The following MAP2K5 variants were observed in gnomAD, a reference collection of about 807,000 sequenced individuals.
MAP2K5 encodes dual specificity mitogen-activated protein kinase kinase 5.
In MAP2K5, 49 loss-of-function variants were observed where a neutral mutation model predicts 83.1. That is an observed-to-expected ratio of 0.59 (90% CI 0.47 to 0.75). MAP2K5 has a LOEUF of 0.75. Among genes scored for constraint, MAP2K5 ranks in the 30% least tolerant of loss-of-function variants. The pLI is 0.00. For synonymous variants in MAP2K5, 202 were observed against 191.8 expected, an observed-to-expected ratio of 1.05 and a Z score of -0.44; for missense variants, 457 against 557.5, an observed-to-expected ratio of 0.82 and a Z score of 1.82.
intron 21 of MAP2K5, among the ~76,000 whole-genome samples, chr15:67,799,728 C>A (rs558471231): frequency 2.6e-5 from 4 of 152,212 alleles, no homozygotes; most frequent in Non-Finnish European, 5.9e-5. Flanking sequence ...CCCAGTGGGC[C>A]CACCCACCCA....
intron 16 of MAP2K5, among the ~76,000 whole-genome samples, chr15:67,710,216 T>G (rs2088657916): frequency 1.3e-5 from 2 of 152,206 alleles, no homozygotes; most frequent in East Asian, 1.9e-4. Context: ...TTCACTTGGA[T>G]CTTCATTCTT....
intron 16 of MAP2K5, among the ~76,000 whole-genome samples, chr15:67,706,968 T>C (rs2088569562): frequency 6.6e-6 from 1 of 152,222 alleles, no homozygotes; most frequent in Non-Finnish European, 1.5e-5. Context: ...CAGGCTGCAG[T>C]GCAGTGGCAC....
intron 8 of MAP2K5, among the ~76,000 whole-genome samples, chr15:67,612,418 T>C (rs2085946688): frequency 6.6e-6 from 1 of 152,184 alleles, no homozygotes; most frequent in African/African-American, 2.4e-5. Context: ...TAAAGAACAT[T>C]GGTGGAATTG....
intron 8 of MAP2K5, chr15:67,628,275 T>C: frequency 1.8e-6 from 1 of 545,402 alleles, no homozygotes; most frequent in Non-Finnish European, 3.3e-6. Flanking sequence ...AGGTCAGGGA[T>C]TTGAGACCAG....
chr15:67,683,354 C>T (rs1439386935), intron 13 of MAP2K5, among the ~76,000 whole-genome samples: 1 of 152,088 alleles, frequency 6.6e-6, no homozygotes, highest in African/African-American at 2.4e-5. Context: ...TCAGATTTAA[C>T]CTAGTTTAAT....
chr15:67,576,170 G>A (rs1156731887), intron 3 of MAP2K5, among the ~76,000 whole-genome samples: 2 of 146,306 alleles, frequency 1.4e-5, no homozygotes, highest in Non-Finnish European at 3.0e-5. Context: ...GCCTGCCTTG[G>A]CCTTCCAAAG....
At chr15:67,731,686 A>G (rs918174912) in intron 17 of MAP2K5, among the ~76,000 whole-genome samples, 1 of 152,094 alleles carries the variant, frequency 6.6e-6, no homozygotes, top group African/African-American at 2.4e-5. Flanking sequence ...AGGTGAGCCA[A>G]CTCAGGCTCA....
rs1395969326 is a variant in MAP2K5 at position 67,676,778 on chromosome 15, A to G, written c.847+12133A>G. Reference sequence around the variant, plus strand: ...CAATCAAGGCTCAAGCAGCCTAAAAAACTTGCTTAGTTATAGGAAAAGTCA... The same window carrying G: ...CAATCAAGGCTCAAGCAGCCTAAAAGACTTGCTTAGTTATAGGAAAAGTCA... On this transcript the variant is annotated intron_variant, in intron 13 of 21. Coordinates refer to ENST00000178640, the MANE Select transcript of MAP2K5 (RefSeq NM_145160.3). This position sits in a 1 kb window ranked among gnomAD's most constrained non-coding sequence, Gnocchi z 4.8. Among the ~76,000 whole-genome samples, 1 of 152,138 alleles carries G rather than the reference A, an allele frequency of 6.6e-6. No individual in the cohort carries two copies. The highest frequency in any genetic ancestry group is 1.5e-5 in the Non-Finnish European group (1 of 68,020).
chr15:67,629,799 A>G (rs2086423350), intron 8 of MAP2K5, among the ~76,000 whole-genome samples: 1 of 152,164 alleles, frequency 6.6e-6, no homozygotes, highest in Admixed American at 6.5e-5. Flanking sequence ...CCTTATATTA[A>G]TATTTTTATG....
intron 12 of MAP2K5, among the ~76,000 whole-genome samples, chr15:67,661,106 G>A (rs1208139172): frequency 1.3e-5 from 2 of 151,890 alleles, no homozygotes; most frequent in Non-Finnish European, 2.9e-5. Context: ...TGACCTCTGT[G>A]ATATGTTATT....
rs1161249064 is a variant in MAP2K5, at chr15:67,562,500, T to C, written c.185-783T>C. Among the ~76,000 whole-genome samples, 1 of 152,220 alleles carries C rather than the reference T, an allele frequency of 6.6e-6. No homozygotes were observed. The highest frequency in any genetic ancestry group is 1.5e-5 in the Non-Finnish European group (1 of 68,034). ...TCTAGATGTGGCCTCTGATGATACT[T>C]ACTCAAATTTACACATTCTGGTTAT... On this transcript the variant is annotated intron_variant, in intron 2 of 21. Coordinates refer to ENST00000178640, the MANE Select transcript of MAP2K5 (RefSeq NM_145160.3). This position sits in a 1 kb window ranked among gnomAD's most constrained non-coding sequence, Gnocchi z 4.1.
At chr15:67,806,082 C>G (rs1442883370) in intron 21 of MAP2K5, among the ~76,000 whole-genome samples, 1 of 152,236 alleles carries the variant, frequency 6.6e-6, no homozygotes, top group African/African-American at 2.4e-5. Context: ...ACCCAGAGAT[C>G]CTGTGCACAG....
In MAP2K5 at chr15:67,724,317, T is replaced by C; in HGVS notation, c.1045-3599T>C. Among the ~76,000 whole-genome samples, 1 of 152,226 alleles carries C rather than the reference T, an allele frequency of 6.6e-6. No individual in the cohort carries two copies. Among genetic ancestry groups the C allele is most frequent in the Non-Finnish European group, 1.5e-5 (1 of 68,042 alleles). On this transcript the variant is annotated intron_variant, in intron 16 of 21. Transcript: ENST00000178640. The surrounding 1 kb of genome is among the most constrained non-coding windows in gnomAD (Gnocchi z 4.4). ...GTGAAATATTCACTTGGAGCATATG[T>C]GCTCCTTCTTCCCCATAAGGGTCCC...
At chr15:67,574,894 A>G (rs999621312) in intron 3 of MAP2K5, among the ~76,000 whole-genome samples, 1 of 152,180 alleles carries the variant, frequency 6.6e-6, no homozygotes, top group Admixed American at 6.5e-5. Flanking sequence ...ATAAAACAAA[A>G]TAAAATAAAA....
rs938142384 is a variant in MAP2K5, at chr15:67,746,351, G to A, written c.1075-1880G>A. On this transcript the variant is annotated intron_variant, in intron 17 of 21. Transcript: ENST00000178640. This position sits in a 1 kb window ranked among gnomAD's most constrained non-coding sequence, Gnocchi z 4.1. ...ATTTGTGAAACACATTCTCTTTGAT[G>A]TCAGAAATGGATTTCTGATTCTTTA... Among the ~76,000 whole-genome samples, 3 of 151,944 alleles carry A rather than the reference G, an allele frequency of 2.0e-5. No homozygotes were observed. The highest frequency in any genetic ancestry group is 7.3e-5 in the African/African-American group (3 of 41,364).
At chr15:67,711,449 C>G (rs371322753) in intron 16 of MAP2K5, among the ~76,000 whole-genome samples, 21 of 152,298 alleles carry the variant, frequency 1.4e-4, no homozygotes, top group African/African-American at 5.1e-4. Context: ...CAGTTTCCTC[C>G]TCTTTAGATG....
rs2089992326 is a variant in MAP2K5 at position 67,763,647 on chromosome 15, G to T, written c.1135-5955G>T. 2.7e-5 allele frequency among the ~76,000 whole-genome samples: 4 copies of T among 148,648 alleles called. No individual in the cohort carries two copies. The South Asian group carries it at 8.8e-4, about 33-fold the overall frequency. On this transcript the variant is annotated intron_variant, in intron 19 of 21. Coordinates refer to ENST00000178640, the MANE Select transcript of MAP2K5 (RefSeq NM_145160.3). ...TTTTTTTTCATTTTTTTGTTTTTTA[G>T]ATTTTTTTTTTTAAACAAACTCGAT...
In MAP2K5 at chr15:67,748,139, CAG is replaced by C; in HGVS notation, c.1075-91_1075-90del. ...TTAACACATGCCCACAAATTGCCACCAGCAATGCAATAATTTTCTCTCAGTGA... is the reference window on the plus strand; with the variant it reads ...TTAACACATGCCCACAAATTGCCACCCAATGCAATAATTTTCTCTCAGTGA... On this transcript the variant is annotated intron_variant, in intron 17 of 21. Transcript: ENST00000178640. The surrounding 1 kb of genome is among the most constrained non-coding windows in gnomAD (Gnocchi z 4.0). 1.2e-6 allele frequency: 1 copy of C among 862,752 alleles called. No homozygotes were observed. Among genetic ancestry groups the C allele is most frequent in the Non-Finnish European group, 1.9e-6 (1 of 518,646 alleles). 53.4% of individuals were successfully genotyped at this position (862,752 alleles called of 1,614,324 possible).
At position 67,803,252 on chromosome 15, in the gene MAP2K5, C is replaced by G. The variant is rs539312346; in HGVS notation, c.1243-3394C>G. 4.4e-4 allele frequency among the ~76,000 whole-genome samples: 67 copies of G among 152,346 alleles called. 1 individual carries two copies. Among genetic ancestry groups the G allele is most frequent in the African/African-American group, 1.6e-3 (67 of 41,580 alleles). On this transcript the variant is annotated intron_variant, in intron 21 of 21. Coordinates refer to ENST00000178640, the MANE Select transcript of MAP2K5 (RefSeq NM_145160.3). The stretch of plus-strand genomic sequence containing the variant: ...CGAAGGAGATGGGGTCACCTCCCAG[C>G]TGGACTTGGTATTATTCAGTGTGCT...
Sources: allele counts gnomAD v4.1 joint callset (sites outside exome capture counted in the v4.1 genomes callset), GRCh38; gene constraint gnomAD v4.1.1; non-coding constraint Gnocchi (gnomAD v3.1); transcripts MANE v1.5; gene names NCBI Gene and HGNC (gene_info 2026-07-23, HGNC 2026-07-21).